SHISA9: variants seen among roughly 807,000 people sequenced by gnomAD.
The protein encoded by SHISA9 is protein shisa-9.
Under a neutral mutation model 38.0 loss-of-function variants are expected in SHISA9, and 13 were observed. The observed-to-expected ratio is 0.34, with a 90% confidence interval of 0.22 to 0.54. The LOEUF (loss-of-function observed/expected upper bound fraction) is 0.54. Among genes scored for constraint, SHISA9 ranks in the 20% least tolerant of loss-of-function variants. The probability of loss-of-function intolerance (pLI) is 0.91; values close to 1 mark genes in which losing one functional copy is unlikely to be tolerated. For missense variants in SHISA9, 538 were observed against 575.8 expected, an observed-to-expected ratio of 0.93 and a Z score of 0.67; for synonymous variants, 275 against 242.0, an observed-to-expected ratio of 1.14 and a Z score of -1.27.
chr16:13,418,558 C>T, the SHISA9 span, among the ~76,000 whole-genome samples: 1 of 152,266 alleles, frequency 6.6e-6, no homozygotes, highest in South Asian at 2.1e-4. Flanking sequence ...CATGGACTTC[C>T]CCCCAGTATG....
At position 12,902,190 on chromosome 16, in the gene SHISA9, G is replaced by C. The variant is rs936726817; in HGVS notation, c.126G>C (p.Ala42=). ...LAQLGGVLLL[A]GGNRSGAASG... is the part of the protein sequence containing the mutation. ...AACTGGGCGGCGTGTTGCTGCTGGCGGGGGGCAACCGCTCCGGGGCCGCCT... is the reference window on the plus strand; with the variant it reads ...AACTGGGCGGCGTGTTGCTGCTGGCCGGGGGCAACCGCTCCGGGGCCGCCT... The change falls in exon 1 of 5, where the codon GCG becomes GCC. Residue 42 remains alanine (A), a synonymous_variant. Coordinates refer to ENST00000558583, the MANE Select transcript of SHISA9 (RefSeq NM_001145204.3). 3 of 1,529,902 alleles carry C rather than the reference G, an allele frequency of 2.0e-6. No homozygotes were observed. The highest frequency in any genetic ancestry group is 2.5e-5 in the East Asian group (1 of 40,602). The allele number at this position is 1,529,902 out of a possible 1,614,324, so 94.8% of individuals were successfully genotyped here. A position where few individuals can be genotyped will look rare whatever the true frequency, so the allele number is the denominator to read the frequency against.
At position 12,982,069 on chromosome 16, in the gene SHISA9, G is replaced by A. The variant is rs190228193; in HGVS notation, c.691+65254G>A. Among the ~76,000 whole-genome samples the A allele has an allele frequency of 2.5e-3, 376 of 152,286 alleles. 1 individual carries two copies. The highest frequency in any genetic ancestry group is 8.4e-3 in the African/African-American group (347 of 41,554). On this transcript the variant is annotated intron_variant, in intron 2 of 4. Transcript: ENST00000558583. ...AATTAGACTTATGGTCGTTGAATGC[G>A]ATTACTATACGCCAGGCACTACTTT...
intron 4 of SHISA9, among the ~76,000 whole-genome samples, chr16:13,234,100 A>G (rs2051358056): frequency 6.6e-6 from 1 of 152,242 alleles, no homozygotes; most frequent in Non-Finnish European, 1.5e-5. Flanking sequence ...AAAAGTTGCT[A>G]TTACATACAA....
chr16:13,282,406 T>C, the SHISA9 span, among the ~76,000 whole-genome samples: 1 of 152,042 alleles, frequency 6.6e-6, no homozygotes, highest in Non-Finnish European at 1.5e-5. Flanking sequence ...TATGTGTTTT[T>C]ATTTTCCTAC....
intron 4 of SHISA9, among the ~76,000 whole-genome samples, chr16:13,228,384 T>C (rs771467748): frequency 6.6e-6 from 1 of 152,248 alleles, no homozygotes; most frequent in Non-Finnish European, 1.5e-5. Context: ...TGAATGCCTC[T>C]GTATCTACTT....
the SHISA9 span, among the ~76,000 whole-genome samples, chr16:13,368,821 G>A: frequency 7.9e-5 from 12 of 152,084 alleles, no homozygotes; most frequent in African/African-American, 2.7e-4. Context: ...AATACAGAAG[G>A]AAATTAAATT....
intron 2 of SHISA9, among the ~76,000 whole-genome samples, chr16:13,083,964 T>C (rs2073682897): frequency 6.6e-6 from 1 of 152,090 alleles, no homozygotes. Context: ...AACTCTAGTT[T>C]ATAGACCGGA....
chr16:13,163,997 TA>T (rs956188247), intron 2 of SHISA9, among the ~76,000 whole-genome samples: 10 of 152,098 alleles, frequency 6.6e-5, no homozygotes, highest in African/African-American at 1.7e-4. Flanking sequence ...TTGTACTGGA[TA>T]GAACCTCTAG....
At chr16:13,341,926 T>A in the SHISA9 span, among the ~76,000 whole-genome samples, 1 of 152,180 alleles carries the variant, frequency 6.6e-6, no homozygotes, top group Non-Finnish European at 1.5e-5. Flanking sequence ...CAGAGCAACA[T>A]CCACCCAGTT....
chr16:13,544,690 C>A, the SHISA9 span, among the ~76,000 whole-genome samples: 3 of 152,070 alleles, frequency 2.0e-5, no homozygotes, highest in African/African-American at 7.2e-5. Flanking sequence ...CACCTGTAAT[C>A]CCAGCACTTT....
chr16:13,142,532 C>G (rs768740131), intron 2 of SHISA9, among the ~76,000 whole-genome samples: 14 of 152,102 alleles, frequency 9.2e-5, no homozygotes, highest in Non-Finnish European at 1.9e-4. Context: ...TACTCAAACT[C>G]CAAGTCTTCA....
chr16:13,500,767 A>G, the SHISA9 span, among the ~76,000 whole-genome samples: 8 of 152,220 alleles, frequency 5.3e-5, no homozygotes, highest in Non-Finnish European at 8.8e-5. Context: ...CATAAATCAT[A>G]GAAACTGACT....
At chr16:12,964,190 C>A (rs2071948368) in intron 2 of SHISA9, among the ~76,000 whole-genome samples, 1 of 152,188 alleles carries the variant, frequency 6.6e-6, no homozygotes, top group African/African-American at 2.4e-5. Context: ...AACCAAGATA[C>A]AGATGGAGCT....
intron 2 of SHISA9, among the ~76,000 whole-genome samples, chr16:12,992,266 G>A (rs1007926715): frequency 6.6e-6 from 1 of 150,808 alleles, no homozygotes; most frequent in African/African-American, 2.4e-5. Context: ...CCTCATGCCT[G>A]TAATCCCCAG....
chr16:13,442,696 A>G, the SHISA9 span, among the ~76,000 whole-genome samples: 1 of 152,158 alleles, frequency 6.6e-6, no homozygotes, highest in South Asian at 2.1e-4. Flanking sequence ...ACTTATGCCT[A>G]TAATCTCAGC....
In SHISA9 at chr16:12,917,331, T is replaced by C. The variant is rs548886707; in HGVS notation, c.691+516T>C. Among the ~76,000 whole-genome samples the C allele has an allele frequency of 7.9e-5, 12 of 152,310 alleles. No individual in the cohort carries two copies. In the South Asian group the frequency reaches 2.1e-3, roughly 26 times the overall value. On this transcript the variant is annotated intron_variant, in intron 2 of 4. Coordinates refer to ENST00000558583, the MANE Select transcript of SHISA9 (RefSeq NM_001145204.3). ...TAACGCTAGAGTTTCATAAAAATAA[T>C]CCACAGAATATTCCGTGTGTAGGGG...
chr16:13,480,166 C>T, the SHISA9 span, among the ~76,000 whole-genome samples: 1 of 152,046 alleles, frequency 6.6e-6, no homozygotes, highest in Admixed American at 6.5e-5. Flanking sequence ...CTCTAAAATA[C>T]CTTAATTTTT....
chr16:12,908,457 A>C, intron 1 of SHISA9: 2 of 1,551,490 alleles, frequency 1.3e-6, no homozygotes, highest in Non-Finnish European at 1.7e-6. Context: ...GTTTAATTTC[A>C]TACCCTTCCC....
chr16:12,954,138 A>G (rs56688056), intron 2 of SHISA9, among the ~76,000 whole-genome samples: 4,160 of 152,242 alleles, frequency 0.027, 166 homozygotes, highest in African/African-American at 0.093. Context: ...CAGGAAGACA[A>G]TGTTGGACTG....
Sources: allele counts gnomAD v4.1 joint callset (sites outside exome capture counted in the v4.1 genomes callset), GRCh38; gene constraint gnomAD v4.1.1; transcripts MANE v1.5; gene names NCBI Gene and HGNC (gene_info 2026-07-23, HGNC 2026-07-21).